Variants in MANEA observed in about 807,000 individuals in gnomAD.
MANEA encodes the protein glycoprotein endo-alpha-1,2-mannosidase.
In MANEA, 25 loss-of-function variants were observed where a neutral mutation model predicts 36.8. That is an observed-to-expected ratio of 0.68 (90% CI 0.50 to 0.95). MANEA has a LOEUF of 0.95. MANEA is among the 40% of genes least tolerant of loss of function. The pLI is 0.00. For synonymous variants in MANEA, 198 were observed against 188.5 expected, an observed-to-expected ratio of 1.05 and a Z score of -0.41; for missense variants, 565 against 558.8, an observed-to-expected ratio of 1.01 and a Z score of -0.11.
Position 95,604,854 on chromosome 6 carries a change from A to G in MANEA, c.682A>G (p.Asn228Asp), listed in dbSNP as rs1303929321. 1.3e-6 allele frequency: 2 copies of G among 1,487,692 alleles called. No individual in the cohort carries two copies. The highest frequency in any genetic ancestry group is 1.8e-6 in the Non-Finnish European group (2 of 1,099,778). 92.2% of individuals were successfully genotyped at this position (1,487,692 alleles called of 1,614,324 possible). Residue 228 changes from asparagine to aspartate, a missense_variant, in exon 4 of 5, where the codon AAT (asparagine) becomes GAT (aspartate). Coordinates refer to ENST00000358812, the MANE Select transcript of MANEA (RefSeq NM_024641.4). Reference protein sequence around the residue: ...KVTFHIEPYSNRDDQNMYKNV... With the variant: ...KVTFHIEPYSDRDDQNMYKNV... Reference sequence around the variant, plus strand: ...TACTTTTCACATAGAACCATATAGCAATCGAGATGATCAAAACATGTACAA... The same window carrying G: ...TACTTTTCACATAGAACCATATAGCGATCGAGATGATCAAAACATGTACAA...
intron 1 of MANEA, among the ~76,000 whole-genome samples, chr6:95,583,926 T>C (rs1165695273): frequency 6.6e-6 from 1 of 152,204 alleles, no homozygotes; most frequent in Admixed American, 6.5e-5. Context: ...CTTAAATACA[T>C]GTAGAATAGT....
At chr6:95,579,096 C>T (rs143510002) in intron 1 of MANEA, among the ~76,000 whole-genome samples, 2,367 of 152,216 alleles carry the variant, frequency 0.016, 50 homozygotes, top group African/African-American at 0.054. Flanking sequence ...TGCGGCCTGG[C>T]GCGGTGCCTC....
At chr6:95,593,312 G>T (rs902787227) in intron 2 of MANEA, among the ~76,000 whole-genome samples, 3 of 152,150 alleles carry the variant, frequency 2.0e-5, no homozygotes, top group Non-Finnish European at 2.9e-5. Context: ...TATAGGGATA[G>T]AATTAGATAT....
chr6:95,586,174 T>C (rs13205436), intron 1 of MANEA, among the ~76,000 whole-genome samples: 8,819 of 152,306 alleles, frequency 0.058, 324 homozygotes, highest in Non-Finnish European at 0.081. Context: ...TACATGGTGA[T>C]ATATCCAAAT....
chr6:95,580,181 C>T (rs552366788), intron 1 of MANEA, among the ~76,000 whole-genome samples: 32 of 151,966 alleles, frequency 2.1e-4, no homozygotes, highest in African/African-American at 6.0e-4. Flanking sequence ...AGTGTGTATA[C>T]GGTCAGTAGT....
chr6:95,593,222 C>T (rs186022523), intron 2 of MANEA, among the ~76,000 whole-genome samples: 11 of 152,256 alleles, frequency 7.2e-5, no homozygotes, highest in African/African-American at 2.4e-4. Context: ...CAATCACTGG[C>T]GTGGTTCCCA....
chr6:95,588,573 T>C, intron 2 of MANEA, among the ~76,000 whole-genome samples: 1 of 151,968 alleles, frequency 6.6e-6, no homozygotes, highest in East Asian at 1.9e-4. Context: ...GAGAATCTTT[T>C]CAAATGATAT....
intron 1 of MANEA, among the ~76,000 whole-genome samples, chr6:95,580,690 A>G (rs2127937013): frequency 6.7e-6 from 1 of 149,414 alleles, no homozygotes; most frequent in Middle Eastern, 3.5e-3. Context: ...GTGCCACTGC[A>G]CTCCAGCCTG....
At position 95,586,490 on chromosome 6, in the gene MANEA, A is replaced by T. The variant is rs1200390080; in HGVS notation, c.51A>T (p.Leu17=). The change falls in exon 2 of 5, where the codon CTA becomes CTT. Residue 17 remains leucine (L), a synonymous_variant. Coordinates refer to ENST00000358812, the MANE Select transcript of MANEA (RefSeq NM_024641.4). ...GCATCATTTTGGCACTTTTTATTCT[A>T]TTTATTTTCTCTCTGATGATGGGTT... ...RTCIILALFI[L]FIFSLMMGLK... is the part of the protein sequence containing the mutation. 6.2e-7 allele frequency: 1 copy of T among 1,613,328 alleles called. No individual in the cohort carries two copies. Among genetic ancestry groups the T allele is most frequent in the Non-Finnish European group, 8.5e-7 (1 of 1,179,820 alleles).
chr6:95,583,341 A>G (rs1323372892), intron 1 of MANEA, among the ~76,000 whole-genome samples: 1 of 152,016 alleles, frequency 6.6e-6, no homozygotes, highest in Non-Finnish European at 1.5e-5. Flanking sequence ...ATAATCATAC[A>G]TATTTATATC....
chr6:95,604,403 A>T (rs1045843689), intron 3 of MANEA, among the ~76,000 whole-genome samples: 1 of 151,952 alleles, frequency 6.6e-6, no homozygotes, highest in Non-Finnish European at 1.5e-5. Context: ...TATATATATT[A>T]TATGGGATAC....
chr6:95,601,716 A>ATTTTTTTTTTTTTTT lies in MANEA; in HGVS notation c.655-3097_655-3083dup, dbSNP rs67335804. 7.2e-4 allele frequency among the ~76,000 whole-genome samples: 47 copies of ATTTTTTTTTTTTTTT among 64,994 alleles called. 2 individuals carry two copies. Among genetic ancestry groups the ATTTTTTTTTTTTTTT allele is most frequent in the African/African-American group, 8.2e-4 (13 of 15,770 alleles). The allele number at this position is 64,994 out of a possible 152,430, so 42.6% of individuals were successfully genotyped here. ...AAAAGAAAATTAGGCAGATTCAGTGATTTTTTTTTTTTTTTTTTTTTTTTT... is the reference window on the plus strand; with the variant it reads ...AAAAGAAAATTAGGCAGATTCAGTGATTTTTTTTTTTTTTTTTTTTTTTTTTTTTTTTTTTTTTTT... On this transcript the variant is annotated intron_variant, in intron 3 of 4. Coordinates refer to ENST00000358812, the MANE Select transcript of MANEA (RefSeq NM_024641.4).
chr6:95,589,498 C>T (rs1471110174), intron 2 of MANEA, among the ~76,000 whole-genome samples: 2 of 151,904 alleles, frequency 1.3e-5, no homozygotes, highest in East Asian at 3.9e-4. Context: ...ATGGCTCAAC[C>T]CTTCATTGAA....
Position 95,607,627 on chromosome 6 carries a change from A to G in MANEA, c.*1222A>G, listed in dbSNP as rs1042781111. On this transcript the variant is annotated 3_prime_UTR_variant, in exon 5 of 5. Transcript: ENST00000358812. Reference sequence around the variant, plus strand: ...ATTTTGTAAATGTTAGACTTTTATCATACCTGTAAGTTAAAATACTTGTTA... The same window carrying G: ...ATTTTGTAAATGTTAGACTTTTATCGTACCTGTAAGTTAAAATACTTGTTA... The G allele has an allele frequency of 1.3e-5, 2 of 151,880 alleles. No homozygotes were observed. Among genetic ancestry groups the G allele is most frequent in the African/African-American group, 4.8e-5 (2 of 41,554 alleles). The allele number at this position is 151,880 out of a possible 1,614,324, so 9.4% of individuals were successfully genotyped here.
intron 1 of MANEA, among the ~76,000 whole-genome samples, chr6:95,585,784 T>C (rs1325102402): frequency 6.6e-6 from 1 of 152,218 alleles, no homozygotes; most frequent in Non-Finnish European, 1.5e-5. Context: ...AGAAAATCTG[T>C]TTAATGACTG....
rs1407296493 is a variant in MANEA at position 95,607,455 on chromosome 6, C to G, written c.*1050C>G. 6.6e-6 allele frequency: 1 copy of G among 151,836 alleles called. No homozygotes were observed. The highest frequency in any genetic ancestry group is 2.4e-5 in the African/African-American group (1 of 41,396). The allele number at this position is 151,836 out of a possible 1,614,324, so 9.4% of individuals were successfully genotyped here. The stretch of plus-strand genomic sequence containing the variant: ...GAAAATTTACTTAGCATTTTAGATT[C>G]TAGAGACATGGAAATGAAAATTATT... On this transcript the variant is annotated 3_prime_UTR_variant, in exon 5 of 5. Coordinates refer to ENST00000358812, the MANE Select transcript of MANEA (RefSeq NM_024641.4).
At chr6:95,587,351 C>A in intron 2 of MANEA, 1 of 199,390 alleles carries the variant, frequency 5.0e-6, no homozygotes. Flanking sequence ...CCACCCCAAT[C>A]AAGAAGTAAA....
At chr6:95,589,594 A>T (rs1348029250) in intron 2 of MANEA, among the ~76,000 whole-genome samples, 2 of 152,168 alleles carry the variant, frequency 1.3e-5, no homozygotes, top group East Asian at 3.8e-4. Flanking sequence ...TTACAATGGC[A>T]TATGGTAGAT....
At chr6:95,585,307 C>T (rs867149748) in intron 1 of MANEA, among the ~76,000 whole-genome samples, 19 of 152,164 alleles carry the variant, frequency 1.2e-4, no homozygotes, top group Middle Eastern at 6.8e-3. Context: ...TTTTCAGAGT[C>T]GTAAGTTAAT....
Sources: gnomAD v4.1 joint callset for allele counts (sites outside exome capture counted in the v4.1 genomes callset) on GRCh38, gnomAD v4.1.1 for gene constraint, MANE v1.5 for transcripts, NCBI Gene and HGNC (gene_info 2026-07-23, HGNC 2026-07-21) for gene names.